CSMD1: variants seen among roughly 807,000 people sequenced by gnomAD.
The protein encoded by CSMD1 is CUB and Sushi multiple domains 1, also known as CUB and sushi domain-containing protein 1.
Under a neutral mutation model 417.5 loss-of-function variants are expected in CSMD1, and 213 were observed. The ratio of observed to expected loss-of-function variants is 0.51; its 90% confidence interval spans 0.46 to 0.57. CSMD1 has a LOEUF of 0.57. Among genes scored for constraint, CSMD1 ranks in the 20% least tolerant of loss-of-function variants. CSMD1 has a pLI of 0.00. For synonymous variants in CSMD1, 2,862 were observed against 1,736.8 expected (o/e 1.65, Z -16.11); for missense variants, 6,923 against 4,529.7 (o/e 1.53, Z -15.17).
rs993308990 is a variant in CSMD1 at position 3,627,086 on chromosome 8, G to C, written c.1010-10289C>G. 3.3e-5 allele frequency among the ~76,000 whole-genome samples: 5 copies of C among 152,212 alleles called. No individual in the cohort carries two copies. In the South Asian group the frequency reaches 1.0e-3, roughly 31 times the overall value. On this transcript the variant is annotated intron_variant, in intron 7 of 69. Transcript: ENST00000635120. ...TATCTGGTTGAGAATTGCTGTGATA[G>C]TTTAACATTGTAATTAACCTATCAA... is the stretch of plus-strand genomic sequence containing the variant.
At chr8:3,990,021 G>C (rs771799086) in intron 5 of CSMD1, among the ~76,000 whole-genome samples, 2 of 152,212 alleles carry the variant, frequency 1.3e-5, no homozygotes, top group Non-Finnish European at 2.9e-5. Context: ...TGGCTGATTT[G>C]AGGAATAAAT....
At chr8:3,327,668 T>C (rs1806623788) in intron 23 of CSMD1, among the ~76,000 whole-genome samples, 1 of 152,186 alleles carries the variant, frequency 6.6e-6, no homozygotes, top group Non-Finnish European at 1.5e-5. Flanking sequence ...TTTGGGGGAA[T>C]AGAACCGAAG....
At chr8:4,342,284 C>T (rs556978130) in intron 3 of CSMD1, among the ~76,000 whole-genome samples, 4 of 148,466 alleles carry the variant, frequency 2.7e-5, no homozygotes, top group African/African-American at 9.7e-5. Context: ...GATATTTAAA[C>T]CACAAGCCAA....
rs1585284143 is a variant in CSMD1 at position 4,086,509 on chromosome 8, A to C, written c.416-54410T>G. 2.6e-5 allele frequency among the ~76,000 whole-genome samples: 4 copies of C among 152,360 alleles called. No individual in the cohort carries two copies. In the South Asian group the frequency reaches 8.3e-4, roughly 32 times the overall value. ...ATTCATGGAATTCTAACTCATTACA[A>C]AAGTGACTGGTCAACTCCCAATTTG... On this transcript the variant is annotated intron_variant, in intron 3 of 69. Coordinates refer to ENST00000635120, the MANE Select transcript of CSMD1 (RefSeq NM_033225.6).
At chr8:3,530,820 T>C (rs1207244151) in intron 10 of CSMD1, among the ~76,000 whole-genome samples, 2 of 147,976 alleles carry the variant, frequency 1.4e-5, no homozygotes, top group Admixed American at 6.8e-5. Context: ...TGAGCCACCA[T>C]GCCTGCCCTG....
At chr8:4,561,294 A>T (rs1156457514) in intron 2 of CSMD1, among the ~76,000 whole-genome samples, 1 of 152,174 alleles carries the variant, frequency 6.6e-6, no homozygotes, top group Non-Finnish European at 1.5e-5. Context: ...GAATCGTTTG[A>T]ACTCAGGAGC....
chr8:3,971,772 T>C (rs1380172754), intron 5 of CSMD1, among the ~76,000 whole-genome samples: 1 of 152,232 alleles, frequency 6.6e-6, no homozygotes, highest in Non-Finnish European at 1.5e-5. Flanking sequence ...TAAAAGGAAT[T>C]ACCAGTGTAG....
intron 1 of CSMD1, among the ~76,000 whole-genome samples, chr8:4,874,324 C>T (rs1352792717): frequency 6.6e-6 from 1 of 151,088 alleles, no homozygotes; most frequent in Non-Finnish European, 1.5e-5. Context: ...TTTTAATTTG[C>T]AGTACTTATT....
In CSMD1 at chr8:4,708,084, C is replaced by A. The variant is rs557714896; in HGVS notation, c.86-70526G>T. On this transcript the variant is annotated intron_variant, in intron 1 of 69. Coordinates refer to ENST00000635120, the MANE Select transcript of CSMD1 (RefSeq NM_033225.6). ...TCAGCCTCTGCAGTAGCTGGGAGAACAGGCATCTGCCAATACACTGGCTAA... is the reference window on the plus strand; with the variant it reads ...TCAGCCTCTGCAGTAGCTGGGAGAAAAGGCATCTGCCAATACACTGGCTAA... 3.4e-4 allele frequency among the ~76,000 whole-genome samples: 52 copies of A among 152,100 alleles called. 1 individual carries two copies. The South Asian group carries it at 0.01, about 30-fold the overall frequency.
chr8:3,570,377 T>C (rs935133087), intron 10 of CSMD1, among the ~76,000 whole-genome samples: 9 of 152,210 alleles, frequency 5.9e-5, no homozygotes, highest in East Asian at 1.9e-4. Context: ...TCCGTGGCAA[T>C]TGGACCACAG....
chr8:4,382,463 G>C (rs1370811752), intron 3 of CSMD1, among the ~76,000 whole-genome samples: 3 of 152,044 alleles, frequency 2.0e-5, no homozygotes, highest in Non-Finnish European at 4.4e-5. Context: ...TTATAATATA[G>C]ACCATTAACT....
intron 3 of CSMD1, among the ~76,000 whole-genome samples, chr8:4,189,003 G>C (rs1798857083): frequency 6.6e-6 from 1 of 152,158 alleles, no homozygotes. Flanking sequence ...GATGTAAACA[G>C]AAATACACGG....
intron 3 of CSMD1, among the ~76,000 whole-genome samples, chr8:4,360,927 A>AT: frequency 6.6e-6 from 1 of 152,308 alleles, no homozygotes; most frequent in South Asian, 2.1e-4. Context: ...TAGCAGGTGA[A>AT]TTTCTTTTTA....
At chr8:4,159,557 G>A (rs1207553317) in intron 3 of CSMD1, among the ~76,000 whole-genome samples, 2 of 152,124 alleles carry the variant, frequency 1.3e-5, no homozygotes, top group African/African-American at 2.4e-5. Context: ...TGAATTAATG[G>A]TATTCACAGC....
At chr8:3,926,269 C>A (rs926707827) in intron 5 of CSMD1, among the ~76,000 whole-genome samples, 3 of 152,196 alleles carry the variant, frequency 2.0e-5, no homozygotes, top group African/African-American at 7.2e-5. Context: ...TCCATGTCCT[C>A]TCTAACCAAT....
chr8:3,687,774 T>C (rs1800018392), intron 7 of CSMD1, among the ~76,000 whole-genome samples: 1 of 152,164 alleles, frequency 6.6e-6, no homozygotes. Flanking sequence ...AAGTCTGGCC[T>C]GTAAAAACAC....
intron 2 of CSMD1, among the ~76,000 whole-genome samples, chr8:4,562,338 G>A (rs1194050741): frequency 3.3e-5 from 5 of 152,120 alleles, no homozygotes; most frequent in Admixed American, 2.6e-4. Context: ...CCAAGAAATG[G>A]GAAATGGAAG....
chr8:3,492,692 AG>A (rs1178518892), intron 11 of CSMD1, among the ~76,000 whole-genome samples: 8 of 152,190 alleles, frequency 5.3e-5, no homozygotes, highest in African/African-American at 1.7e-4. Flanking sequence ...CCAGGTCATA[AG>A]GCTGCAGAAC....
chr8:4,453,713 C>G lies in CSMD1; in HGVS notation c.303-33648G>C, dbSNP rs372527182. 1.1e-4 allele frequency among the ~76,000 whole-genome samples: 16 copies of G among 151,954 alleles called. No homozygotes were observed. In the East Asian group the frequency reaches 1.4e-3, roughly 13 times the overall value. On this transcript the variant is annotated intron_variant, in intron 2 of 69. Transcript: ENST00000635120. ...TGCCTGCTTGGGTATGCACAGGCATCACAGCGGGCTTAACCATCCCCAAAC... is the reference window on the plus strand; with the variant it reads ...TGCCTGCTTGGGTATGCACAGGCATGACAGCGGGCTTAACCATCCCCAAAC...
Sources: allele counts gnomAD v4.1 joint callset (sites outside exome capture counted in the v4.1 genomes callset), GRCh38; gene constraint gnomAD v4.1.1; transcripts MANE v1.5; gene names NCBI Gene and HGNC (gene_info 2026-07-23, HGNC 2026-07-21).